ITGB5: variants seen among roughly 807,000 people sequenced by gnomAD.
The protein encoded by ITGB5 is integrin subunit beta 5, also known as integrin beta-5.
In ITGB5, 38 loss-of-function variants were observed where a neutral mutation model predicts 84.8. The ratio of observed to expected loss-of-function variants is 0.45; its 90% CI spans 0.35 to 0.59. The LOEUF is 0.59. Among genes scored for constraint, ITGB5 ranks in the 20% least tolerant of loss-of-function variants. The pLI, the probability that ITGB5 is intolerant of heterozygous loss-of-function variation, is 0.01. For missense variants in ITGB5, 905 were observed against 1,034.5 expected, an observed-to-expected ratio of 0.87 and a Z score of 1.72; for synonymous variants, 393 against 414.4, an observed-to-expected ratio of 0.95 and a Z score of 0.63.
chr3:124,877,380 T>C (rs924796408), intron 1 of ITGB5, among the ~76,000 whole-genome samples: 5 of 152,148 alleles, frequency 3.3e-5, no homozygotes, highest in African/African-American at 1.2e-4. Context: ...CAAATCCCCG[T>C]ACCTGTCAGC....
intron 11 of ITGB5, among the ~76,000 whole-genome samples, chr3:124,771,458 G>A (rs1379016961): frequency 6.6e-6 from 1 of 152,106 alleles, no homozygotes; most frequent in East Asian, 1.9e-4. Context: ...CAAATAAGAA[G>A]GAATAGTGGG....
chr3:124,799,140 A>AAGGGG (rs1290202915), intron 9 of ITGB5, among the ~76,000 whole-genome samples: 2 of 152,178 alleles, frequency 1.3e-5, no homozygotes, highest in East Asian at 3.8e-4. Context: ...GGAAGAGACA[A>AAGGGG]AGGGGAGAGA....
At chr3:124,789,448 C>T (rs55858518) in intron 10 of ITGB5, among the ~76,000 whole-genome samples, 1 of 127,144 alleles carries the variant, frequency 7.9e-6, no homozygotes, top group Non-Finnish European at 1.7e-5. Context: ...ATCAGAACCG[C>T]CTCTGACTAG....
intron 4 of ITGB5, among the ~76,000 whole-genome samples, chr3:124,843,242 T>C (rs560659017): frequency 1.3e-5 from 2 of 152,320 alleles, no homozygotes; most frequent in South Asian, 2.1e-4. Context: ...ATTTGGCAAG[T>C]GGATCATAGG....
intron 1 of ITGB5, among the ~76,000 whole-genome samples, chr3:124,884,340 C>T (rs1339892776): frequency 6.6e-6 from 1 of 152,176 alleles, no homozygotes; most frequent in Non-Finnish European, 1.5e-5. Context: ...AAGAGGTAAG[C>T]AGCAAGTTCT....
chr3:124,855,079 G>A (rs1224198912), intron 3 of ITGB5, among the ~76,000 whole-genome samples: 2 of 152,158 alleles, frequency 1.3e-5, no homozygotes, highest in East Asian at 3.9e-4. Flanking sequence ...TTGGGAGGCC[G>A]AGGTGGGCAG....
At chr3:124,785,321 C>T (rs573036766) in intron 10 of ITGB5, among the ~76,000 whole-genome samples, 1 of 151,506 alleles carries the variant, frequency 6.6e-6, no homozygotes, top group African/African-American at 2.4e-5. Flanking sequence ...CGGTGGCTCA[C>T]GCCTATAATC....
chr3:124,818,362 C>T (rs1281022384), intron 7 of ITGB5, among the ~76,000 whole-genome samples: 2 of 152,104 alleles, frequency 1.3e-5, no homozygotes, highest in African/African-American at 4.8e-5. Context: ...GCTTCCTCCC[C>T]CAAGCAAGGT....
Position 124,821,336 on chromosome 3 carries a change from C to T in ITGB5, c.919G>A (p.Glu307Lys), listed in dbSNP as rs61736435. 231 of 1,613,842 alleles carry T rather than the reference C, an allele frequency of 1.4e-4. 1 individual carries two copies. The African/African-American group carries it at 2.9e-3, about 20-fold the overall frequency. ...DGQCHLNEAN[E>K]YTASNQMDYP... The stretch of plus-strand genomic sequence containing the variant: ...ACCATCTGGTTGGATGCAGTGTACT[C>T]GTTGGCCTCGTTCAGGTGGCACTGG... The change falls in exon 6 of 15, where the codon GAG becomes AAG. Residue 307 changes from glutamate to lysine, a missense_variant. Around this residue, in one of 3 missense-constraint regions of ITGB5, gnomAD observed 656 missense variants for 734.7 expected, o/e 0.89. Coordinates refer to ENST00000296181, the MANE Select transcript of ITGB5 (RefSeq NM_002213.5).
chr3:124,832,104 G>C (rs2064868767), intron 5 of ITGB5, among the ~76,000 whole-genome samples: 1 of 152,190 alleles, frequency 6.6e-6, no homozygotes, highest in Admixed American at 6.5e-5. Flanking sequence ...GAAACTCTTA[G>C]CTCCAGAAAA....
At chr3:124,899,048 C>G (rs1221514989) in intron 1 of ITGB5, among the ~76,000 whole-genome samples, 1 of 150,380 alleles carries the variant, frequency 6.6e-6, no homozygotes, top group Non-Finnish European at 1.5e-5. Flanking sequence ...GCATTCCAGC[C>G]TGGGTGATAA....
At chr3:124,896,212 C>A (rs192693729) in intron 1 of ITGB5, among the ~76,000 whole-genome samples, 10 of 152,266 alleles carry the variant, frequency 6.6e-5, no homozygotes, top group Admixed American at 1.3e-4. Flanking sequence ...AGCTTCCTAG[C>A]GAATCCACCC....
At chr3:124,785,438 A>T (rs2002238) in intron 10 of ITGB5, among the ~76,000 whole-genome samples, 1 of 151,814 alleles carries the variant, frequency 6.6e-6, no homozygotes, top group South Asian at 2.1e-4. Flanking sequence ...ACAAAAAATT[A>T]GCCAGGTGTG....
chr3:124,802,546 CT>C (rs1214000868), intron 9 of ITGB5, among the ~76,000 whole-genome samples: 2 of 152,272 alleles, frequency 1.3e-5, no homozygotes, highest in Admixed American at 1.3e-4. Context: ...GGCCGGCTCC[CT>C]GGTGTATGCC....
At chr3:124,820,454 G>A (rs1391996154) in intron 6 of ITGB5, among the ~76,000 whole-genome samples, 1 of 152,154 alleles carries the variant, frequency 6.6e-6, no homozygotes, top group Admixed American at 6.5e-5. Flanking sequence ...GGATTTTGAG[G>A]ACTAATGATG....
intron 4 of ITGB5, among the ~76,000 whole-genome samples, chr3:124,844,446 G>C (rs2065051546): frequency 6.6e-6 from 1 of 152,120 alleles, no homozygotes; most frequent in Non-Finnish European, 1.5e-5. Flanking sequence ...TGTAATCCCA[G>C]CTACTCAGGA....
intron 12 of ITGB5, among the ~76,000 whole-genome samples, chr3:124,766,548 CT>C (rs2063771355): frequency 6.6e-6 from 1 of 152,092 alleles, no homozygotes; most frequent in African/African-American, 2.4e-5. Flanking sequence ...ATTTAGATGG[CT>C]TTGGGGACAC....
In ITGB5 at chr3:124,795,556, C is replaced by T. The variant is rs548134649; in HGVS notation, c.1693+832G>A. Among the ~76,000 whole-genome samples the T allele has an allele frequency of 5.3e-5, 8 of 152,066 alleles. No homozygotes were observed. The South Asian group carries it at 1.7e-3, about 32-fold the overall frequency. Reference sequence around the variant, plus strand: ...CCCCAGAGATGTCCACATCCTAATCCCTGGAACCTGTGACTGTGTGGCCTT... The same window carrying T: ...CCCCAGAGATGTCCACATCCTAATCTCTGGAACCTGTGACTGTGTGGCCTT... On this transcript the variant is annotated intron_variant, in intron 10 of 14. Coordinates refer to ENST00000296181, the MANE Select transcript of ITGB5 (RefSeq NM_002213.5).
intron 8 of ITGB5, among the ~76,000 whole-genome samples, chr3:124,811,249 G>C (rs1371310253): frequency 4.6e-5 from 7 of 152,160 alleles, no homozygotes; most frequent in Non-Finnish European, 8.8e-5. Flanking sequence ...CTGTATCATA[G>C]ATCTCTCTGT....
Sources: gnomAD v4.1 joint callset for allele counts (sites outside exome capture counted in the v4.1 genomes callset) on GRCh38, gnomAD v4.1.1 for gene constraint, gnomAD v4.1.1 regional missense constraint, MANE v1.5 for transcripts, NCBI Gene and HGNC (gene_info 2026-07-23, HGNC 2026-07-21) for gene names.